Variants in TOMM20 observed in about 807,000 individuals in gnomAD.
TOMM20 encodes the protein translocase of outer mitochondrial membrane 20, also known as mitochondrial import receptor subunit TOM20 homolog.
A neutral mutation model predicts 22.1 loss-of-function variants in TOMM20; 10 were observed. The ratio of observed to expected loss-of-function variants is 0.45; its 90% CI spans 0.28 to 0.77. The LOEUF (loss-of-function observed/expected upper bound fraction) is 0.77, where lower values mean the gene tolerates loss of function less well. Ranked by LOEUF, TOMM20 falls within the 30% of genes least tolerant of loss-of-function variation. The pLI is 0.13. For missense variants in TOMM20, 121 were observed against 172.2 expected, an observed-to-expected ratio of 0.70 and a Z score of 1.66; for synonymous variants, 55 against 61.4, an observed-to-expected ratio of 0.90 and a Z score of 0.49.
At position 235,112,051 on chromosome 1, in the gene TOMM20, T is replaced by C. The variant is rs1660746854; in HGVS notation, c.*13A>G. On this transcript the variant is annotated 3_prime_UTR_variant, in exon 5 of 5. Coordinates refer to ENST00000366607, the MANE Select transcript of TOMM20 (RefSeq NM_014765.3). Reference sequence around the variant, plus strand: ...ATTTTTAACTGAGATTTTATTATGTTGACATTTGTTTCTCATTCCACATCA... The same window carrying C: ...ATTTTTAACTGAGATTTTATTATGTCGACATTTGTTTCTCATTCCACATCA... The C allele has an allele frequency of 1.9e-6, 3 of 1,604,406 alleles. No individual in the cohort carries two copies. In the South Asian group the frequency reaches 3.4e-5, roughly 18 times the overall value.
At chr1:235,116,036 T>C (rs1229765853) in intron 3 of TOMM20, among the ~76,000 whole-genome samples, 1 of 152,234 alleles carries the variant, frequency 6.6e-6, no homozygotes, top group Non-Finnish European at 1.5e-5. Flanking sequence ...CCTTTGTCTC[T>C]AGCCCAGTGG....
At chr1:235,119,249 T>C (rs1304215020) in intron 3 of TOMM20, 1 of 152,224 alleles carries the variant, frequency 6.6e-6, no homozygotes, top group Non-Finnish European at 1.5e-5. Flanking sequence ...TTAGCACTGT[T>C]GATGAAATAA....
chr1:235,125,244 T>G (rs1660991171), intron 1 of TOMM20, among the ~76,000 whole-genome samples: 1 of 152,238 alleles, frequency 6.6e-6, no homozygotes. Flanking sequence ...AGACGGAGTC[T>G]CGCTTTGTCG....
rs1572131743 is a variant in TOMM20, at chr1:235,124,996, A to C, written c.122-2624T>G. ...ATGCTTAATATATTTTTAATGTGTC[A>C]TTTTATCCGTCCCATATAAGTGAAA... On this transcript the variant is annotated intron_variant, in intron 1 of 4. Coordinates refer to ENST00000366607, the MANE Select transcript of TOMM20 (RefSeq NM_014765.3). Among the ~76,000 whole-genome samples the C allele has an allele frequency of 2.0e-5, 3 of 152,186 alleles. No individual in the cohort carries two copies. The East Asian group carries it at 5.8e-4, about 29-fold the overall frequency.
At position 235,110,631 on chromosome 1, in the gene TOMM20, G is replaced by A. The variant is rs1660724386; in HGVS notation, c.*1433C>T. The A allele has an allele frequency of 6.6e-6, 1 of 152,184 alleles. No individual in the cohort carries two copies. Among genetic ancestry groups the A allele is most frequent in the Non-Finnish European group, 1.5e-5 (1 of 68,038 alleles). The allele number at this position is 152,184 out of a possible 1,614,324, so 9.4% of individuals were successfully genotyped here. ...TGAAATGTGATTTGTTCAAGGCTGTGCGGCTAATCAGAGGCAGAAACTAGA... is the reference window on the plus strand; with the variant it reads ...TGAAATGTGATTTGTTCAAGGCTGTACGGCTAATCAGAGGCAGAAACTAGA... On this transcript the variant is annotated 3_prime_UTR_variant, in exon 5 of 5. Transcript: ENST00000366607.
At chr1:235,127,790 G>A (rs751920249) in intron 1 of TOMM20, 3 of 512,374 alleles carry the variant, frequency 5.9e-6, no homozygotes, top group Non-Finnish European at 1.2e-5. Flanking sequence ...CCCTCTGGTA[G>A]ACCTCTCTTA....
chr1:235,114,505 C>T (rs1182391029), intron 3 of TOMM20, among the ~76,000 whole-genome samples: 4 of 145,858 alleles, frequency 2.7e-5, no homozygotes, highest in South Asian at 2.2e-4. Flanking sequence ...GGCACGATCT[C>T]GGCTCACTGC....
In TOMM20 at chr1:235,118,087, A is replaced by G. The variant is rs549258439; in HGVS notation, c.250+1731T>C. On this transcript the variant is annotated intron_variant, in intron 3 of 4. Transcript: ENST00000366607. ...GCTTCTGAATACATACTATAATTAA[A>G]TCTCTTCTGAACTAGCACTGTTGAT... Among the ~76,000 whole-genome samples, 9 of 152,272 alleles carry G rather than the reference A, an allele frequency of 5.9e-5. No homozygotes were observed. The South Asian group carries it at 1.9e-3, about 32-fold the overall frequency.
chr1:235,123,656 A>C (rs1341959403), intron 1 of TOMM20, among the ~76,000 whole-genome samples: 1 of 152,230 alleles, frequency 6.6e-6, no homozygotes, highest in Non-Finnish European at 1.5e-5. Context: ...TAGCCATTTC[A>C]ACAGAAAAAG....
At chr1:235,115,328 A>G (rs1660811639) in intron 3 of TOMM20, among the ~76,000 whole-genome samples, 1 of 152,150 alleles carries the variant, frequency 6.6e-6, no homozygotes, top group Non-Finnish European at 1.5e-5. Flanking sequence ...TCCATTAGAT[A>G]TACTTTTAAA....
At chr1:235,115,436 G>A (rs1215535974) in intron 3 of TOMM20, among the ~76,000 whole-genome samples, 1 of 151,992 alleles carries the variant, frequency 6.6e-6, no homozygotes, top group African/African-American at 2.4e-5. Context: ...AGACCAGCCT[G>A]ACTGACATGG....
At chr1:235,121,579 CAA>C (rs1660931441) in intron 2 of TOMM20, among the ~76,000 whole-genome samples, 2 of 152,146 alleles carry the variant, frequency 1.3e-5, no homozygotes, top group African/African-American at 4.8e-5. Flanking sequence ...TTCAAAATAA[CAA>C]AATATACTGG....
At chr1:235,124,981 T>C (rs1470501993) in intron 1 of TOMM20, among the ~76,000 whole-genome samples, 3 of 152,232 alleles carry the variant, frequency 2.0e-5, no homozygotes, top group Admixed American at 6.5e-5. Flanking sequence ...ATGCTTAATA[T>C]ATTTTTAATG....
At chr1:235,113,439 G>T (rs140957541) in intron 4 of TOMM20, among the ~76,000 whole-genome samples, 99 of 152,244 alleles carry the variant, frequency 6.5e-4, no homozygotes, top group African/African-American at 2.3e-3. Context: ...CTAACTGAAG[G>T]CATGGTCTCC....
intron 1 of TOMM20, among the ~76,000 whole-genome samples, chr1:235,125,570 GA>G (rs1188130228): frequency 6.6e-6 from 1 of 151,924 alleles, no homozygotes; most frequent in African/African-American, 2.4e-5. Flanking sequence ...TGCCTTATGT[GA>G]AAAACTGCTC....
chr1:235,113,972 T>C (rs1660784969), intron 3 of TOMM20, 62 bp from the exon 4 acceptor site: 1 of 1,499,222 alleles, frequency 6.7e-7, no homozygotes, highest in Non-Finnish European at 8.9e-7. Context: ...CAAAATTAAC[T>C]TTACACACTA....
chr1:235,118,435 T>C (rs368224235), intron 3 of TOMM20, among the ~76,000 whole-genome samples: 6 of 152,198 alleles, frequency 3.9e-5, no homozygotes, highest in Non-Finnish European at 7.3e-5. Flanking sequence ...CTCTCTCAGA[T>C]TGATGGAGAA....
intron 3 of TOMM20, among the ~76,000 whole-genome samples, chr1:235,118,095 T>C (rs1369281358): frequency 6.6e-6 from 1 of 151,928 alleles, no homozygotes; most frequent in Non-Finnish European, 1.5e-5. Context: ...AAATCTCTTC[T>C]GAACTAGCAC....
In TOMM20 at chr1:235,113,303, G is replaced by C. The variant is rs371600918; in HGVS notation, c.393+465C>G. On this transcript the variant is annotated intron_variant, in intron 4 of 4. Transcript: ENST00000366607. ...AGCTCCAAACTCAAAGTGCACCTCA[G>C]CAGCAGCAGAGGCATGAGCCTTTAC... is the stretch of plus-strand genomic sequence containing the variant. 1.4e-4 allele frequency among the ~76,000 whole-genome samples: 22 copies of C among 152,310 alleles called. No homozygotes were observed. The East Asian group carries it at 3.7e-3, about 25-fold the overall frequency.
Sources: allele counts gnomAD v4.1 joint callset (sites outside exome capture counted in the v4.1 genomes callset), GRCh38; gene constraint gnomAD v4.1.1; transcripts MANE v1.5; gene names NCBI Gene and HGNC (gene_info 2026-07-23, HGNC 2026-07-21).